PLCE1: variants seen among roughly 807,000 people sequenced by gnomAD.
The protein encoded by PLCE1 is phospholipase C epsilon 1.
In PLCE1, 119 loss-of-function variants were observed where a neutral mutation model predicts 242.8. The observed-to-expected ratio is 0.49, with a 90% confidence interval of 0.42 to 0.57. PLCE1 has a LOEUF of 0.57. PLCE1 is among the 20% of genes least tolerant of loss of function. PLCE1 has a pLI of 0.00. For synonymous variants in PLCE1, 945 were observed against 1,017.4 expected, an observed-to-expected ratio of 0.93 and a Z score of 1.35; for missense variants, 2,441 against 2,788.8, an observed-to-expected ratio of 0.88 and a Z score of 2.81.
At chr10:94,001,617 A>T (rs569556202) in intron 1 of PLCE1, among the ~76,000 whole-genome samples, 40 of 152,366 alleles carry the variant, frequency 2.6e-4, no homozygotes, top group Admixed American at 7.2e-4. Context: ...AAAGCCTGTG[A>T]CCAAGTACAT....
chr10:94,227,480 T>C lies in PLCE1; in HGVS notation c.1955+29T>C, dbSNP rs201792977. ...TAGTCAGTGGGGAATATGGTTATCT[T>C]GGCACAATCGCTTCTCATCACCTGA... On this transcript the variant is annotated intron_variant, in intron 5 of 32. Transcript: ENST00000371380. The C allele has an allele frequency of 8.7e-5, 140 of 1,605,566 alleles. No homozygotes were observed. The South Asian group carries it at 1.2e-3, about 14-fold the overall frequency.
intron 4 of PLCE1, among the ~76,000 whole-genome samples, chr10:94,210,845 G>A (rs1272401899): frequency 6.6e-6 from 1 of 152,102 alleles, no homozygotes; most frequent in Non-Finnish European, 1.5e-5. Flanking sequence ...AATAGCAATG[G>A]CACCATTATT....
At chr10:94,214,617 A>AT (rs1564795224) in intron 4 of PLCE1, among the ~76,000 whole-genome samples, 1 of 152,290 alleles carries the variant, frequency 6.6e-6, no homozygotes, top group East Asian at 1.9e-4. Flanking sequence ...CAGGCACACC[A>AT]TTTTATTCCC....
chr10:94,162,763 G>A (rs1211665777), intron 3 of PLCE1, among the ~76,000 whole-genome samples: 1 of 152,120 alleles, frequency 6.6e-6, no homozygotes, highest in Non-Finnish European at 1.5e-5. Context: ...GTCAATTTTA[G>A]ATCTTTCCTG....
intron 3 of PLCE1, among the ~76,000 whole-genome samples, chr10:94,141,037 T>C (rs1317942783): frequency 6.6e-6 from 1 of 152,244 alleles, no homozygotes; most frequent in African/African-American, 2.4e-5. Flanking sequence ...AAATGTAATA[T>C]TAGGTTTCAG....
rs570091672 is a variant in PLCE1 at position 94,057,271 on chromosome 10, CTG to C, written c.1206+25021_1206+25022del. Among the ~76,000 whole-genome samples the C allele has an allele frequency of 2.0e-5, 3 of 152,188 alleles. No homozygotes were observed. The South Asian group carries it at 6.2e-4, about 32-fold the overall frequency. On this transcript the variant is annotated intron_variant, in intron 2 of 32. Transcript: ENST00000371380. ...GGCTGCACTTTTTCGTTTTCATAGG[CTG>C]TTTTTTCATCTACCATAATATCATG... is the stretch of plus-strand genomic sequence containing the variant.
intron 2 of PLCE1, among the ~76,000 whole-genome samples, chr10:94,059,559 A>G (rs946065527): frequency 2.0e-5 from 3 of 152,188 alleles, no homozygotes; most frequent in Non-Finnish European, 4.4e-5. Context: ...AAATTTTACT[A>G]CATGTATTGA....
chr10:94,185,975 G>C (rs182332522), intron 4 of PLCE1, among the ~76,000 whole-genome samples: 1 of 152,270 alleles, frequency 6.6e-6, no homozygotes, highest in East Asian at 1.9e-4. Flanking sequence ...GACGGACTTC[G>C]CTCCATTTCA....
chr10:94,181,163 C>G (rs893938087), intron 4 of PLCE1, among the ~76,000 whole-genome samples: 5 of 152,142 alleles, frequency 3.3e-5, no homozygotes, highest in Non-Finnish European at 7.3e-5. Context: ...CACTGATCAG[C>G]GGAATGAAGA....
intron 2 of PLCE1, among the ~76,000 whole-genome samples, chr10:94,079,559 TGTAC>T (rs1465052175): frequency 1.3e-5 from 2 of 152,066 alleles, no homozygotes; most frequent in Non-Finnish European, 2.9e-5. Context: ...GTAACAAAAC[TGTAC>T]GTTCTGCACA....
At chr10:94,311,237 T>C (rs773606771) in intron 27 of PLCE1, among the ~76,000 whole-genome samples, 5 of 152,212 alleles carry the variant, frequency 3.3e-5, no homozygotes, top group Non-Finnish European at 7.3e-5. Flanking sequence ...GTTCAATTAT[T>C]GGCCACTGGT....
At chr10:94,253,915 GC>G (rs1223440916) in intron 9 of PLCE1, among the ~76,000 whole-genome samples, 4 of 152,202 alleles carry the variant, frequency 2.6e-5, no homozygotes, top group African/African-American at 9.7e-5. Context: ...AATTTTATCT[GC>G]TTCACAGTTT....
At chr10:94,151,620 C>T (rs1335205491) in intron 3 of PLCE1, among the ~76,000 whole-genome samples, 1 of 152,132 alleles carries the variant, frequency 6.6e-6, no homozygotes, top group Non-Finnish European at 1.5e-5. Context: ...ATCTGCTTAA[C>T]TGCGATGGTT....
At chr10:94,142,484 A>C (rs777896018) in intron 3 of PLCE1, among the ~76,000 whole-genome samples, 6 of 152,120 alleles carry the variant, frequency 3.9e-5, no homozygotes, top group Non-Finnish European at 8.8e-5. Flanking sequence ...CTGCCACTGC[A>C]CTCTGTCCGC....
intron 3 of PLCE1, among the ~76,000 whole-genome samples, chr10:94,144,118 A>T (rs2047047672): frequency 6.6e-6 from 1 of 152,230 alleles, no homozygotes; most frequent in African/African-American, 2.4e-5. Flanking sequence ...AACTCACAAG[A>T]TCTAGGCTGA....
intron 2 of PLCE1, among the ~76,000 whole-genome samples, chr10:94,089,707 G>C (rs2044987144): frequency 6.6e-6 from 1 of 152,054 alleles, no homozygotes; most frequent in African/African-American, 2.4e-5. Flanking sequence ...ATGGCCTATG[G>C]TATATTATGT....
chr10:94,292,335 G>A (rs1200924414), intron 22 of PLCE1, among the ~76,000 whole-genome samples: 1 of 152,120 alleles, frequency 6.6e-6, no homozygotes. Flanking sequence ...CTGTTTGAAC[G>A]CTGACATGAT....
chr10:94,146,704 C>A (rs1416838185), intron 3 of PLCE1, among the ~76,000 whole-genome samples: 1 of 152,200 alleles, frequency 6.6e-6, no homozygotes, highest in Non-Finnish European at 1.5e-5. Flanking sequence ...CAAGGGTCTT[C>A]GAGTGGGTTA....
intron 2 of PLCE1, among the ~76,000 whole-genome samples, chr10:94,110,998 G>A (rs968451535): frequency 1.3e-5 from 2 of 152,184 alleles, no homozygotes; most frequent in African/African-American, 4.8e-5. Context: ...ATTGCCAAAT[G>A]TCCCTGGTGT....
Sources: allele counts gnomAD v4.1 joint callset (sites outside exome capture counted in the v4.1 genomes callset), GRCh38; gene constraint gnomAD v4.1.1; transcripts MANE v1.5; gene names NCBI Gene and HGNC (gene_info 2026-07-23, HGNC 2026-07-21).